LMX1A: variants seen among roughly 807,000 people sequenced by gnomAD.
LMX1A encodes the protein LIM homeobox transcription factor 1 alpha, also known as LIM homeobox transcription factor 1-alpha.
LMX1A carries 15 observed loss-of-function variants against 49.1 expected under a neutral mutation model. The observed-to-expected ratio is 0.31, with a 90% confidence interval of 0.20 to 0.47. The LOEUF (loss-of-function observed/expected upper bound fraction) is 0.47. Among genes scored for constraint, LMX1A ranks in the 20% least tolerant of loss-of-function variants. LMX1A has a pLI of 1.00. For synonymous variants in LMX1A, 167 were observed against 185.7 expected, an observed-to-expected ratio of 0.90 and a Z score of 0.82; for missense variants, 372 against 475.8, an observed-to-expected ratio of 0.78 and a Z score of 2.03.
At chr1:165,304,203 C>G (rs1208723818) in intron 3 of LMX1A, among the ~76,000 whole-genome samples, 1 of 151,984 alleles carries the variant, frequency 6.6e-6, no homozygotes. Flanking sequence ...AAAGTGGGAA[C>G]AATAATAGAG....
chr1:165,231,090 T>TTTTA (rs140274113), intron 4 of LMX1A, among the ~76,000 whole-genome samples: 15,837 of 151,262 alleles, frequency 0.1, 1,049 homozygotes, highest in Admixed American at 0.14. Flanking sequence ...TTTTTAAAAT[T>TTTTA]TTTATTTATT....
intron 3 of LMX1A, among the ~76,000 whole-genome samples, chr1:165,285,576 T>C (rs1654281397): frequency 6.6e-6 from 1 of 152,164 alleles, no homozygotes; most frequent in African/African-American, 2.4e-5. Context: ...AACACATGCT[T>C]ATGGGCTTCC....
chr1:165,322,218 T>C (rs577019643), intron 3 of LMX1A, among the ~76,000 whole-genome samples: 4 of 152,258 alleles, frequency 2.6e-5, no homozygotes, highest in South Asian at 2.1e-4. Context: ...CCCTCATATA[T>C]TGCTGGTGGG....
intron 3 of LMX1A, among the ~76,000 whole-genome samples, chr1:165,270,977 C>G (rs1653775024): frequency 6.6e-6 from 1 of 152,232 alleles, no homozygotes; most frequent in Non-Finnish European, 1.5e-5. Flanking sequence ...ACCTTCCCAA[C>G]AGCCAGCCAT....
At chr1:165,349,906 TG>T (rs1656369250) in intron 3 of LMX1A, among the ~76,000 whole-genome samples, 1 of 152,194 alleles carries the variant, frequency 6.6e-6, no homozygotes, top group African/African-American at 2.4e-5. Flanking sequence ...CACATACAGA[TG>T]GCTAAGATAA....
intron 3 of LMX1A, among the ~76,000 whole-genome samples, chr1:165,326,154 G>A (rs550359696): frequency 6.6e-6 from 1 of 152,332 alleles, no homozygotes; most frequent in Non-Finnish European, 1.5e-5. Flanking sequence ...GGCATGAGAA[G>A]GCTGGGTGGA....
chr1:165,341,800 T>C (rs1217804421), intron 3 of LMX1A, among the ~76,000 whole-genome samples: 3 of 152,204 alleles, frequency 2.0e-5, no homozygotes, highest in Non-Finnish European at 4.4e-5. Context: ...ACATGAGTGA[T>C]TTGTTTTATT....
At chr1:165,223,641 C>G (rs78565588) in intron 4 of LMX1A, among the ~76,000 whole-genome samples, 2,178 of 152,280 alleles carry the variant, frequency 0.014, 46 homozygotes, top group African/African-American at 0.044. Context: ...CAGCTCCTGT[C>G]CATGGTAATT....
intron 3 of LMX1A, among the ~76,000 whole-genome samples, chr1:165,276,220 C>A (rs1341172704): frequency 6.6e-6 from 1 of 152,158 alleles, no homozygotes; most frequent in African/African-American, 2.4e-5. Context: ...GCTTCTCTAC[C>A]TTTTCCTGCT....
At chr1:165,207,986 A>T (rs1651164422) in intron 7 of LMX1A, 77 bp downstream of exon 7, 1 of 1,231,178 alleles carries the variant, frequency 8.1e-7, no homozygotes, top group African/African-American at 1.5e-5. Context: ...TCATCCAAAG[A>T]GCTGGGTAGT....
chr1:165,259,964 A>C (rs1163158388), intron 3 of LMX1A, among the ~76,000 whole-genome samples: 4 of 152,208 alleles, frequency 2.6e-5, no homozygotes, highest in Admixed American at 6.5e-5. Context: ...GCCCTAGAGC[A>C]AAAGACTGTG....
rs923216912 is a variant in LMX1A, at chr1:165,250,558, T to C, written c.264-918A>G. 2.0e-5 allele frequency among the ~76,000 whole-genome samples: 3 copies of C among 152,328 alleles called. No homozygotes were observed. In the South Asian group the frequency reaches 6.2e-4, roughly 32 times the overall value. ...ACTTCCCAGCCTGATATTCAATAGA[T>C]TCAGCCTATCTCTCAAGACTTAACT... On this transcript the variant is annotated intron_variant, in intron 3 of 8. Coordinates refer to ENST00000342310, the MANE Select transcript of LMX1A (RefSeq NM_177398.4).
At chr1:165,259,819 A>T (rs749420410) in intron 3 of LMX1A, among the ~76,000 whole-genome samples, 3 of 152,232 alleles carry the variant, frequency 2.0e-5, no homozygotes, top group African/African-American at 4.8e-5. Context: ...AGTGTTCTGA[A>T]CAACTAAATG....
chr1:165,241,450 A>T (rs1364976237), intron 4 of LMX1A, among the ~76,000 whole-genome samples: 1 of 152,182 alleles, frequency 6.6e-6, no homozygotes, highest in African/African-American at 2.4e-5. Context: ...GTTCTACAGC[A>T]ACCCACAAAG....
intron 3 of LMX1A, among the ~76,000 whole-genome samples, chr1:165,266,806 T>G (rs2101691505): frequency 6.6e-6 from 1 of 152,148 alleles, no homozygotes; most frequent in East Asian, 1.9e-4. Context: ...TTTCACCGCG[T>G]TAGCCAGGGT....
chr1:165,223,464 C>A (rs904981342), intron 4 of LMX1A, among the ~76,000 whole-genome samples: 1 of 152,072 alleles, frequency 6.6e-6, no homozygotes, highest in Non-Finnish European at 1.5e-5. Context: ...ATCAAGAGAG[C>A]CTTTGCCTTC....
At chr1:165,234,233 C>G (rs1652346364) in intron 4 of LMX1A, among the ~76,000 whole-genome samples, 1 of 152,192 alleles carries the variant, frequency 6.6e-6, no homozygotes, top group East Asian at 1.9e-4. Flanking sequence ...TACCCTGCAA[C>G]TCAGTACAGA....
intron 3 of LMX1A, among the ~76,000 whole-genome samples, chr1:165,311,821 A>G (rs1655086177): frequency 6.6e-6 from 1 of 152,206 alleles, no homozygotes; most frequent in South Asian, 2.1e-4. Flanking sequence ...ATAAGGCCCA[A>G]TTCCCTCAGA....
At chr1:165,270,329 A>T (rs1448473820) in intron 3 of LMX1A, among the ~76,000 whole-genome samples, 2 of 152,208 alleles carry the variant, frequency 1.3e-5, no homozygotes, top group African/African-American at 4.8e-5. Context: ...TGCCTGTCCA[A>T]TTCTGTGTCT....
Sources: gnomAD v4.1 joint callset for allele counts (sites outside exome capture counted in the v4.1 genomes callset) on GRCh38, gnomAD v4.1.1 for gene constraint, MANE v1.5 for transcripts, NCBI Gene and HGNC (gene_info 2026-07-23, HGNC 2026-07-21) for gene names.